Variants in TMEM245 observed in about 807,000 individuals in gnomAD.
TMEM245 encodes the protein transmembrane protein 245.
Under a neutral mutation model 101.2 loss-of-function variants are expected in TMEM245, and 69 were observed. The observed-to-expected ratio is 0.68, with a 90% CI of 0.56 to 0.83. The LOEUF (loss-of-function observed/expected upper bound fraction) is 0.83. TMEM245 is among the 40% of genes least tolerant of loss of function. The probability of loss-of-function intolerance (pLI) is 0.00; values close to 1 mark genes in which losing one functional copy is unlikely to be tolerated. For missense variants in TMEM245, 1,075 were observed against 1,092.8 expected (o/e 0.98, Z 0.23); for synonymous variants, 537 against 449.8 (o/e 1.19, Z -2.45).
chr9:109,083,158 G>A (rs1279017456), intron 7 of TMEM245, among the ~76,000 whole-genome samples: 5 of 151,784 alleles, frequency 3.3e-5, no homozygotes, highest in South Asian at 2.1e-4. Flanking sequence ...AACTAAGGAC[G>A]AAAAGAGGAA....
intron 1 of TMEM245, among the ~76,000 whole-genome samples, chr9:109,118,795 C>A (rs1211226249): frequency 1.3e-5 from 2 of 152,200 alleles, no homozygotes; most frequent in Non-Finnish European, 2.9e-5. Context: ...CAGCACCAGC[C>A]AGTGAAGCAA....
chr9:109,095,580 C>T (rs1830118916), intron 3 of TMEM245, among the ~76,000 whole-genome samples: 1 of 152,144 alleles, frequency 6.6e-6, no homozygotes, highest in African/African-American at 2.4e-5. Flanking sequence ...TCACAGAACA[C>T]CACATGAAGG....
At chr9:109,029,396 TCAAA>T (rs1414440977) in intron 17 of TMEM245, among the ~76,000 whole-genome samples, 3 of 152,174 alleles carry the variant, frequency 2.0e-5, no homozygotes, top group East Asian at 1.9e-4. Flanking sequence ...TTATATGTCT[TCAAA>T]CAGTCAAATT....
intron 3 of TMEM245, among the ~76,000 whole-genome samples, chr9:109,097,485 G>A (rs1830172305): frequency 6.6e-6 from 1 of 152,152 alleles, no homozygotes; most frequent in Non-Finnish European, 1.5e-5. Context: ...AGACTCCCCA[G>A]GTTCAAATCC....
chr9:109,061,566 T>C (rs938731272), intron 10 of TMEM245, among the ~76,000 whole-genome samples: 2 of 152,146 alleles, frequency 1.3e-5, no homozygotes, highest in African/African-American at 4.8e-5. Flanking sequence ...GGATATACAA[T>C]AAATCCTTCT....
rs1194567730 is a variant in TMEM245, at chr9:109,119,614, C to T, written c.300G>A (p.Ser100=). ...GCCAGTGGCGGCCCAGGCGCGTCAGCGAGCTCTTGAAGGGGTGCAGAAAAG... is the reference window on the plus strand; with the variant it reads ...GCCAGTGGCGGCCCAGGCGCGTCAGTGAGCTCTTGAAGGGGTGCAGAAAAG... ...CGTFLHPFKS[S]LTRLGRHWLQ... is the part of the protein sequence containing the mutation. Residue 100 remains serine (S), a synonymous_variant, in exon 1 of 18, where the codon TCG becomes TCA. Transcript: ENST00000374586. 1.9e-6 allele frequency: 3 copies of T among 1,558,820 alleles called. No individual in the cohort carries two copies. Among genetic ancestry groups the T allele is most frequent in the Admixed American group, 1.9e-5 (1 of 52,030 alleles).
At chr9:109,071,926 G>T (rs10979679) in intron 9 of TMEM245, among the ~76,000 whole-genome samples, 1 of 114,610 alleles carries the variant, frequency 8.7e-6, no homozygotes, top group Admixed American at 9.0e-5. Flanking sequence ...TAAAGGACTA[G>T]AGAGTAAGTA....
intron 7 of TMEM245, among the ~76,000 whole-genome samples, chr9:109,083,408 A>T (rs940399754): frequency 6.6e-6 from 1 of 152,218 alleles, no homozygotes; most frequent in African/African-American, 2.4e-5. Flanking sequence ...CATGGAAATT[A>T]CCAAGTCTCT....
intron 12 of TMEM245, among the ~76,000 whole-genome samples, chr9:109,053,952 AATCTTTCTT>A (rs959544759): frequency 2.0e-5 from 3 of 152,180 alleles, no homozygotes; most frequent in African/African-American, 4.8e-5. Context: ...CTCTAGTTCC[AATCTTTCTT>A]ATCTTTAAAG....
intron 14 of TMEM245, chr9:109,042,525 C>T (rs1169277289): frequency 6.6e-6 from 1 of 152,222 alleles, no homozygotes; most frequent in African/African-American, 2.4e-5. Context: ...TTCCTTGGCT[C>T]ATGGCCCCAT....
chr9:109,064,072 G>C (rs562434386), intron 10 of TMEM245, among the ~76,000 whole-genome samples: 19 of 152,156 alleles, frequency 1.2e-4, no homozygotes, highest in African/African-American at 4.3e-4. Context: ...CATACTGCAG[G>C]CTTCTTAGAA....
intron 17 of TMEM245, among the ~76,000 whole-genome samples, chr9:109,025,961 T>C (rs1406133125): frequency 6.6e-6 from 1 of 152,238 alleles, no homozygotes; most frequent in African/African-American, 2.4e-5. Context: ...GTGAAGATAG[T>C]AGTCTAACAA....
intron 14 of TMEM245, chr9:109,046,212 T>C (rs1285620941): frequency 5.6e-6 from 3 of 534,286 alleles, no homozygotes; most frequent in Non-Finnish European, 1.2e-5. Context: ...GCCATACCCG[T>C]GTGCATGCAC....
intron 9 of TMEM245, among the ~76,000 whole-genome samples, chr9:109,072,598 T>C (rs1829368210): frequency 6.6e-6 from 1 of 152,206 alleles, no homozygotes; most frequent in Admixed American, 6.5e-5. Flanking sequence ...GAACTTCAGG[T>C]ACCCTACGGG....
chr9:109,030,063 T>C (rs1827902386), intron 17 of TMEM245, among the ~76,000 whole-genome samples: 2 of 152,200 alleles, frequency 1.3e-5, no homozygotes, highest in Admixed American at 6.5e-5. Flanking sequence ...ACCGTTTGTT[T>C]TGGGGGAATG....
intron 14 of TMEM245, among the ~76,000 whole-genome samples, chr9:109,040,643 T>C (rs1828273746): frequency 6.6e-6 from 1 of 152,254 alleles, no homozygotes; most frequent in Admixed American, 6.5e-5. Context: ...ATATTTAGCA[T>C]CTGAATCATT....
Position 109,087,215 on chromosome 9 carries a change from G to A in TMEM245, c.1278C>T (p.Pro426=). The A allele has an allele frequency of 1.9e-6, 3 of 1,612,224 alleles. No individual in the cohort carries two copies. The highest frequency in any genetic ancestry group is 2.5e-6 in the Non-Finnish European group (3 of 1,179,440). Residue 426 remains proline (P), a synonymous_variant, in exon 6 of 18, where the codon CCC becomes CCT. Coordinates refer to ENST00000374586, the MANE Select transcript of TMEM245 (RefSeq NM_032012.4). ...ACAAGAATTTTCCAAGCCCGACAATGGGCCAAGGCGCGAGAGCTCCCTGCC... is the reference window on the plus strand; with the variant it reads ...ACAAGAATTTTCCAAGCCCGACAATAGGCCAAGGCGCGAGAGCTCCCTGCC... ...KERQGALAPW[P]IVGLGKFLLK...
chr9:109,045,552 T>C (rs1828463799), intron 14 of TMEM245, among the ~76,000 whole-genome samples: 1 of 152,242 alleles, frequency 6.6e-6, no homozygotes, highest in African/African-American at 2.4e-5. Flanking sequence ...CTAGTGATTG[T>C]GGATGCTTAC....
At chr9:109,096,954 C>T (rs1008700489) in intron 3 of TMEM245, among the ~76,000 whole-genome samples, 15 of 152,256 alleles carry the variant, frequency 9.9e-5, no homozygotes, top group African/African-American at 3.6e-4. Flanking sequence ...ACCAAATAGG[C>T]GACTAGGCTA....
Sources: gnomAD v4.1 joint callset for allele counts (sites outside exome capture counted in the v4.1 genomes callset) on GRCh38, gnomAD v4.1.1 for gene constraint, MANE v1.5 for transcripts, NCBI Gene and HGNC (gene_info 2026-07-23, HGNC 2026-07-21) for gene names.